TRAF3IP1: variants seen among roughly 807,000 people sequenced by gnomAD.
The protein encoded by TRAF3IP1 is intraflagellar transport 54.
Under a neutral mutation model 89.9 loss-of-function variants are expected in TRAF3IP1, and 53 were observed. The observed-to-expected ratio is 0.59, with a 90% confidence interval of 0.47 to 0.74. The LOEUF (loss-of-function observed/expected upper bound fraction) is 0.74, where lower values mean the gene tolerates loss of function less well. TRAF3IP1 is among the 30% of genes least tolerant of loss of function. TRAF3IP1 has a pLI of 0.00. For synonymous variants in TRAF3IP1, 311 were observed against 322.1 expected (o/e 0.97, Z 0.37); for missense variants, 806 against 866.1 (o/e 0.93, Z 0.87).
rs1383186832 is a variant in TRAF3IP1 at position 238,351,723 on chromosome 2, T to C, written c.1452-1104T>C. On this transcript the variant is annotated intron_variant, in intron 12 of 16. Transcript: ENST00000373327. The surrounding 1 kb of genome is among the most constrained non-coding windows in gnomAD (Gnocchi z 5.2). Reference sequence around the variant, plus strand: ...GTTGTTGAGTGTCTCAAGGACCCAGTTGAGGAAGTCGAGGATGTTTGGGGC... The same window carrying C: ...GTTGTTGAGTGTCTCAAGGACCCAGCTGAGGAAGTCGAGGATGTTTGGGGC... Among the ~76,000 whole-genome samples the C allele has an allele frequency of 6.6e-6, 1 of 152,066 alleles. No homozygotes were observed. The highest frequency in any genetic ancestry group is 2.4e-5 in the African/African-American group (1 of 41,402).
chr2:238,346,505 C>A (rs749421316), intron 9 of TRAF3IP1, among the ~76,000 whole-genome samples: 1 of 152,184 alleles, frequency 6.6e-6, no homozygotes, highest in Non-Finnish European at 1.5e-5. Flanking sequence ...CTCTCCCTGC[C>A]AGAGCCACCC....
chr2:238,351,866 T>TGC lies in TRAF3IP1; in HGVS notation c.1452-949_1452-948dup, dbSNP rs964910880. Among the ~76,000 whole-genome samples the TGC allele has an allele frequency of 2.8e-3, 355 of 128,230 alleles. 1 individual carries two copies. The highest frequency in any genetic ancestry group is 0.014 in the East Asian group (60 of 4,152). The allele number at this position is 128,230 out of a possible 152,430, so 84.1% of individuals were successfully genotyped here. On this transcript the variant is annotated intron_variant, in intron 12 of 16. Coordinates refer to ENST00000373327, the MANE Select transcript of TRAF3IP1 (RefSeq NM_015650.4). The surrounding 1 kb of genome is among the most constrained non-coding windows in gnomAD (Gnocchi z 5.2). ...GTGTGTGTGTGTGTGTGTGTGTGTG[T>TGC]GCGCGCGCGCGCGTGTGCGTGCATG...
At chr2:238,364,012 A>C (rs1699769178) in intron 15 of TRAF3IP1, among the ~76,000 whole-genome samples, 1 of 152,188 alleles carries the variant, frequency 6.6e-6, no homozygotes, top group Non-Finnish European at 1.5e-5. Context: ...ATGTATGCTG[A>C]ATCTATCACC....
At chr2:238,352,557 G>T (rs1336127629) in intron 12 of TRAF3IP1, among the ~76,000 whole-genome samples, 1 of 152,086 alleles carries the variant, frequency 6.6e-6, no homozygotes, top group Non-Finnish European at 1.5e-5. Flanking sequence ...GGGAGGCCAG[G>T]TGTGGACCAG....
chr2:238,389,422 A>G (rs1347062622), intron 15 of TRAF3IP1, among the ~76,000 whole-genome samples: 1 of 150,516 alleles, frequency 6.6e-6, no homozygotes, highest in African/African-American at 2.5e-5. Context: ...TTCCATCTTC[A>G]TTTTTTAAAT....
At position 238,370,924 on chromosome 2, in the gene TRAF3IP1, C is replaced by G. The variant is rs188728075; in HGVS notation, c.1689+14844C>G. ...ACGGACATTTTTCATGCTGTAGCCT[C>G]TGGTGAGCCCCATGCTAACACCAGG... On this transcript the variant is annotated intron_variant, in intron 15 of 16. Transcript: ENST00000373327. 2.0e-5 allele frequency among the ~76,000 whole-genome samples: 3 copies of G among 152,316 alleles called. No homozygotes were observed. The East Asian group carries it at 5.8e-4, about 29-fold the overall frequency.
chr2:238,343,745 G>A (rs1698767809), intron 8 of TRAF3IP1, among the ~76,000 whole-genome samples: 1 of 150,646 alleles, frequency 6.6e-6, no homozygotes, highest in Non-Finnish European at 1.5e-5. Flanking sequence ...CTAAACTCCT[G>A]GACTCAAGTG....
intron 7 of TRAF3IP1, among the ~76,000 whole-genome samples, chr2:238,336,724 A>G (rs867585445): frequency 6.6e-6 from 1 of 152,196 alleles, no homozygotes; most frequent in Admixed American, 6.5e-5. Flanking sequence ...AGTTTAATAT[A>G]TATTTTCATT....
At chr2:238,349,535 AGT>A in intron 12 of TRAF3IP1, 127 bp downstream of exon 12, 1 of 936,550 alleles carries the variant, frequency 1.1e-6, no homozygotes, top group Non-Finnish European at 1.6e-6. Context: ...AGGAACAAAA[AGT>A]GAGGGTAGGC....
At position 238,349,426 on chromosome 2, in the gene TRAF3IP1, G is replaced by C. The variant is rs770754094; in HGVS notation, c.1451+18G>C. On this transcript the variant is annotated intron_variant, in intron 12 of 16. Transcript: ENST00000373327. ...ATGGATAGGTAAGGCTGGCTCAGCA[G>C]GGCAGTTCCAGCCACACAGTGTGTT... 6.2e-7 allele frequency: 1 copy of C among 1,611,930 alleles called. No individual in the cohort carries two copies. The highest frequency in any genetic ancestry group is 1.1e-5 in the South Asian group (1 of 90,766).
rs563822225 is a variant in TRAF3IP1 at position 238,338,789 on chromosome 2, C to T, written c.1159+332C>T. On this transcript the variant is annotated intron_variant, in intron 8 of 16. Transcript: ENST00000373327. ...CATAGAGAAACGGTTTTTATGTCTT[C>T]GTCCTGCTCTGCTTTATTCTACTCA... Among the ~76,000 whole-genome samples, 21 of 152,300 alleles carry T rather than the reference C, an allele frequency of 1.4e-4. No homozygotes were observed. In the South Asian group the frequency reaches 3.9e-3, roughly 29 times the overall value.
At chr2:238,350,886 G>A (rs1048832783) in intron 12 of TRAF3IP1, among the ~76,000 whole-genome samples, 11 of 152,106 alleles carry the variant, frequency 7.2e-5, no homozygotes, top group Non-Finnish European at 5.9e-5. Context: ...AGTGCACCGA[G>A]AGAGAAGGGA....
Position 238,399,083 on chromosome 2 carries a change from G to A in TRAF3IP1, c.*164G>A. On this transcript the variant is annotated 3_prime_UTR_variant, in exon 17 of 17. Transcript: ENST00000373327. The stretch of plus-strand genomic sequence containing the variant: ...CTTTAAAACTGTAAGCATGTTAAGT[G>A]TATTAAAAAAACCATGTTTTCTTAC... The A allele has an allele frequency of 1.6e-6, 1 of 625,026 alleles. No individual in the cohort carries two copies. The highest frequency in any genetic ancestry group is 1.9e-5 in the African/African-American group (1 of 53,294). 38.7% of individuals were successfully genotyped at this position (625,026 alleles called of 1,614,324 possible).
chr2:238,328,044 C>A (rs1697924461), intron 3 of TRAF3IP1, among the ~76,000 whole-genome samples: 1 of 152,158 alleles, frequency 6.6e-6, no homozygotes, highest in Admixed American at 6.5e-5. Context: ...CTGCTATGAA[C>A]ATGGGTATAC....
chr2:238,343,925 C>T (rs565394016), intron 8 of TRAF3IP1, among the ~76,000 whole-genome samples: 186 of 150,914 alleles, frequency 1.2e-3, no homozygotes, highest in Non-Finnish European at 1.6e-3. Context: ...TCCCAAAATG[C>T]GGGGATTATA....
At chr2:238,325,471 A>G (rs887540033) in intron 2 of TRAF3IP1, 97 bp downstream of exon 2, 34 of 1,255,004 alleles carry the variant, frequency 2.7e-5, no homozygotes, top group Non-Finnish European at 3.4e-5. Context: ...TCTCTGCTGC[A>G]TGTGGTTGGA....
rs761416621 is a variant in TRAF3IP1, at chr2:238,338,427, C to G, written c.1129C>G (p.Pro377Ala). 2 of 1,594,208 alleles carry G rather than the reference C, an allele frequency of 1.3e-6. No homozygotes were observed. The highest frequency in any genetic ancestry group is 1.7e-6 in the Non-Finnish European group (2 of 1,171,142). The change falls in exon 8 of 17, where the codon CCA (proline) becomes GCA (alanine). Residue 377 changes from proline to alanine, a missense_variant. Coordinates refer to ENST00000373327, the MANE Select transcript of TRAF3IP1 (RefSeq NM_015650.4). ...CATAGTGTCTGGAATAAATAATGAG[C>G]CAAATCAGGAAACGACAACATCAGA... ...DSIVSGINNEPNQETTTSEIG... is the reference protein window; with the variant it reads ...DSIVSGINNEANQETTTSEIG...
intron 15 of TRAF3IP1, among the ~76,000 whole-genome samples, chr2:238,369,426 A>G (rs1242053448): frequency 6.6e-6 from 1 of 152,196 alleles, no homozygotes; most frequent in African/African-American, 2.4e-5. Flanking sequence ...AGAAGCATCC[A>G]GTCCAGAATG....
At chr2:238,366,647 A>T (rs765309006) in intron 15 of TRAF3IP1, among the ~76,000 whole-genome samples, 2 of 151,984 alleles carry the variant, frequency 1.3e-5, no homozygotes, top group Non-Finnish European at 2.9e-5. Context: ...GGTTTTTTAG[A>T]TTTTAGTCAG....
Sources: gnomAD v4.1 joint callset for allele counts (sites outside exome capture counted in the v4.1 genomes callset) on GRCh38, gnomAD v4.1.1 for gene constraint, Gnocchi (gnomAD v3.1) non-coding constraint, MANE v1.5 for transcripts, NCBI Gene and HGNC (gene_info 2026-07-23, HGNC 2026-07-21) for gene names.